LHFPL3: variants seen among roughly 807,000 people sequenced by gnomAD.
LHFPL3 encodes LHFPL tetraspan subfamily member 3, also known as LHFPL tetraspan subfamily member 3 protein.
Under a neutral mutation model 19.3 loss-of-function variants are expected in LHFPL3, and 5 were observed. The observed-to-expected ratio is 0.26, with a 90% confidence interval of 0.14 to 0.54. The LOEUF (loss-of-function observed/expected upper bound fraction) is 0.54. LHFPL3 is among the 20% of genes least tolerant of loss of function. The pLI is 0.94. For missense variants in LHFPL3, 249 were observed against 307.4 expected (o/e 0.81, Z 1.42); for synonymous variants, 133 against 126.2 (o/e 1.05, Z -0.36).
intron 1 of LHFPL3, among the ~76,000 whole-genome samples, chr7:104,651,391 G>A (rs575118976): frequency 3.3e-4 from 50 of 152,218 alleles, no homozygotes; most frequent in Non-Finnish European, 4.7e-4. Context: ...CAAGGTGCTC[G>A]AAGGATTAAC....
At chr7:104,849,832 T>C (rs774542655) in intron 2 of LHFPL3, among the ~76,000 whole-genome samples, 5 of 152,214 alleles carry the variant, frequency 3.3e-5, no homozygotes, top group Non-Finnish European at 7.3e-5. Flanking sequence ...TTATGGCCCA[T>C]AGTCAAACAA....
At chr7:104,733,913 C>G (rs990149092) in intron 1 of LHFPL3, among the ~76,000 whole-genome samples, 2 of 152,118 alleles carry the variant, frequency 1.3e-5, no homozygotes, top group Non-Finnish European at 2.9e-5. Flanking sequence ...GTAGGGCAGG[C>G]CTGGTGGTGA....
chr7:104,829,559 C>G (rs968555489), intron 2 of LHFPL3, among the ~76,000 whole-genome samples: 2 of 151,730 alleles, frequency 1.3e-5, no homozygotes, highest in Admixed American at 6.5e-5. Flanking sequence ...CAGTTCCCAC[C>G]TATGAGTGAG....
intron 2 of LHFPL3, among the ~76,000 whole-genome samples, chr7:104,855,457 T>C (rs1209281805): frequency 6.6e-6 from 1 of 152,190 alleles, no homozygotes; most frequent in Admixed American, 6.5e-5. Context: ...TTTTGAATTA[T>C]GTATAATGGT....
chr7:104,643,645 C>T (rs1791877221), intron 1 of LHFPL3, among the ~76,000 whole-genome samples: 1 of 152,146 alleles, frequency 6.6e-6, no homozygotes, highest in South Asian at 2.1e-4. Context: ...GAGCCTGGAC[C>T]CCACCCCAAA....
At chr7:104,755,603 G>C (rs75601984) in intron 2 of LHFPL3, among the ~76,000 whole-genome samples, 2,347 of 119,092 alleles carry the variant, frequency 0.02, 56 homozygotes, top group African/African-American at 0.054. Context: ...CACACACACA[G>C]AGAGAAACAC....
intron 1 of LHFPL3, among the ~76,000 whole-genome samples, chr7:104,444,881 G>A (rs541826022): frequency 4.6e-5 from 7 of 152,028 alleles, no homozygotes; most frequent in Non-Finnish European, 8.8e-5. Context: ...CCAGCTACAC[G>A]GGAGGCTAAG....
intron 2 of LHFPL3, among the ~76,000 whole-genome samples, chr7:104,832,537 T>G (rs1004652066): frequency 6.6e-6 from 1 of 151,710 alleles, no homozygotes; most frequent in African/African-American, 2.4e-5. Context: ...CTCATCGAGA[T>G]TACTCCTTCA....
chr7:104,609,152 C>A (rs575565052), intron 1 of LHFPL3, among the ~76,000 whole-genome samples: 22 of 152,122 alleles, frequency 1.4e-4, no homozygotes, highest in African/African-American at 5.3e-4. Context: ...GTAATCCCAG[C>A]TACTCAGGAG....
intron 2 of LHFPL3, among the ~76,000 whole-genome samples, chr7:104,811,200 C>A (rs1247090004): frequency 2.1e-5 from 2 of 97,288 alleles, no homozygotes; most frequent in Non-Finnish European, 4.5e-5. Flanking sequence ...CTTTTCTTTT[C>A]TTTTCTTTCT....
intron 1 of LHFPL3, among the ~76,000 whole-genome samples, chr7:104,428,218 G>A (rs1791885589): frequency 6.6e-6 from 1 of 152,112 alleles, no homozygotes; most frequent in African/African-American, 2.4e-5. Context: ...TATAACATCT[G>A]GTAATGTGGT....
chr7:104,853,481 T>C (rs1791448316), intron 2 of LHFPL3, among the ~76,000 whole-genome samples: 1 of 151,958 alleles, frequency 6.6e-6, no homozygotes, highest in African/African-American at 2.4e-5. Context: ...CACAGCACCT[T>C]CCAGGGACAA....
chr7:104,834,290 A>G (rs1474326188), intron 2 of LHFPL3, among the ~76,000 whole-genome samples: 3 of 151,630 alleles, frequency 2.0e-5, no homozygotes, highest in Non-Finnish European at 4.4e-5. Flanking sequence ...GAGTGAGCCA[A>G]GATCCTGCCA....
At chr7:104,655,116 A>C (rs1347265355) in intron 1 of LHFPL3, among the ~76,000 whole-genome samples, 2 of 152,178 alleles carry the variant, frequency 1.3e-5, no homozygotes, top group African/African-American at 4.8e-5. Flanking sequence ...TTAGCTCTGT[A>C]CTATGTAGCT....
At chr7:104,731,408 G>GT (rs1793702683) in intron 1 of LHFPL3, among the ~76,000 whole-genome samples, 1 of 152,126 alleles carries the variant, frequency 6.6e-6, no homozygotes, top group South Asian at 2.1e-4. Context: ...CTGAGCAGTG[G>GT]TTTGTAGTTC....
chr7:104,551,370 T>C (rs986161065), intron 1 of LHFPL3, among the ~76,000 whole-genome samples: 3 of 152,170 alleles, frequency 2.0e-5, no homozygotes, highest in Non-Finnish European at 4.4e-5. Flanking sequence ...GTGGGTTCTC[T>C]TTCTCTAGTA....
At chr7:104,393,129 C>A (rs1179438282) in intron 1 of LHFPL3, among the ~76,000 whole-genome samples, 3 of 151,958 alleles carry the variant, frequency 2.0e-5, no homozygotes, top group Admixed American at 2.0e-4. Flanking sequence ...CACTTCATAC[C>A]CACTAGGATG....
At chr7:104,403,368 C>T (rs2116497654) in intron 1 of LHFPL3, among the ~76,000 whole-genome samples, 1 of 152,246 alleles carries the variant, frequency 6.6e-6, no homozygotes, top group East Asian at 1.9e-4. Flanking sequence ...TTACTTGTGT[C>T]TCTCCTGCTA....
At chr7:104,856,375 G>T (rs941998292) in intron 2 of LHFPL3, among the ~76,000 whole-genome samples, 3 of 149,320 alleles carry the variant, frequency 2.0e-5, no homozygotes, top group Non-Finnish European at 4.4e-5. Flanking sequence ...TCAGCCTCCC[G>T]AGTAGCCGGG....
Sources: allele counts gnomAD v4.1 joint callset (sites outside exome capture counted in the v4.1 genomes callset), GRCh38; gene constraint gnomAD v4.1.1; transcripts MANE v1.5; gene names NCBI Gene and HGNC (gene_info 2026-07-23, HGNC 2026-07-21).